Variants in PARD3B observed in about 807,000 individuals in gnomAD.
PARD3B encodes partitioning defective 3 homolog B.
A neutral mutation model predicts 130.2 loss-of-function variants in PARD3B; 103 were observed. The ratio of observed to expected loss-of-function variants is 0.79; its 90% confidence interval spans 0.67 to 0.93. The LOEUF (loss-of-function observed/expected upper bound fraction) is 0.93, where lower values mean the gene tolerates loss of function less well. Ranked by LOEUF, PARD3B falls within the 40% of genes least tolerant of loss-of-function variation. The pLI, the probability that PARD3B is intolerant of heterozygous loss-of-function variation, is 0.00. For missense variants in PARD3B, 1,609 were observed against 1,499.2 expected (o/e 1.07, Z -1.21); for synonymous variants, 583 against 553.2 (o/e 1.05, Z -0.76).
At chr2:205,444,331 G>T (rs1681243269) in intron 20 of PARD3B, among the ~76,000 whole-genome samples, 1 of 152,080 alleles carries the variant, frequency 6.6e-6, no homozygotes, top group Non-Finnish European at 1.5e-5. Flanking sequence ...GTATGCACCT[G>T]TAGTCCAACC....
At chr2:205,336,570 G>C (rs1344769738) in intron 18 of PARD3B, among the ~76,000 whole-genome samples, 1 of 152,140 alleles carries the variant, frequency 6.6e-6, no homozygotes, top group Non-Finnish European at 1.5e-5. Context: ...TCTTCTTTCT[G>C]GCTTCCACAG....
chr2:205,405,621 T>G lies in PARD3B; in HGVS notation c.2741+4498T>G, dbSNP rs1187989535. Among the ~76,000 whole-genome samples, 1 of 152,224 alleles carries G rather than the reference T, an allele frequency of 6.6e-6. No homozygotes were observed. Among genetic ancestry groups the G allele is most frequent in the Non-Finnish European group, 1.5e-5 (1 of 68,048 alleles). On this transcript the variant is annotated intron_variant, in intron 19 of 22. Transcript: ENST00000406610. This position sits in a 1 kb window ranked among gnomAD's most constrained non-coding sequence, Gnocchi z 4.1. ...GCAAGAATAATTTTTTTCGTTAAAA[T>G]TTATTTTTAACCTTGGCCTGCTGAG...
chr2:204,857,482 G>A (rs114066796), intron 2 of PARD3B, among the ~76,000 whole-genome samples: 1,896 of 152,166 alleles, frequency 0.012, 35 homozygotes, highest in African/African-American at 0.043. Flanking sequence ...TCATACAAAT[G>A]TACTTAATAT....
chr2:205,484,400 C>G (rs995515552), intron 20 of PARD3B, among the ~76,000 whole-genome samples: 3 of 152,096 alleles, frequency 2.0e-5, no homozygotes, highest in African/African-American at 7.2e-5. Context: ...CTTTTTTCTT[C>G]TCATTAGTGT....
chr2:205,564,597 C>T lies in PARD3B; in HGVS notation c.3260+11194C>T, dbSNP rs1248585024. ...ACATCCTTAGGGGACATGGCTGAGA[C>T]GCAAATGCCAGACAACTGCGGAAGC... On this transcript the variant is annotated intron_variant, in intron 22 of 22. Coordinates refer to ENST00000406610, the MANE Select transcript of PARD3B (RefSeq NM_001302769.2). This position sits in a 1 kb window ranked among gnomAD's most constrained non-coding sequence, Gnocchi z 4.6. Among the ~76,000 whole-genome samples the T allele has an allele frequency of 6.6e-6, 1 of 152,160 alleles. No individual in the cohort carries two copies. The highest frequency in any genetic ancestry group is 6.5e-5 in the Admixed American group (1 of 15,274).
chr2:204,578,116 A>G (rs913503381), intron 1 of PARD3B, among the ~76,000 whole-genome samples: 3 of 152,240 alleles, frequency 2.0e-5, no homozygotes, highest in African/African-American at 7.2e-5. Flanking sequence ...TCGGTAGTAC[A>G]GAGGCTGAGA....
intron 15 of PARD3B, among the ~76,000 whole-genome samples, chr2:205,225,130 G>T (rs2038473309): frequency 6.6e-6 from 1 of 152,142 alleles, no homozygotes; most frequent in Admixed American, 6.5e-5. Context: ...CATAGCAGTA[G>T]GATTGCTGGA....
chr2:205,047,324 C>G (rs1031605856), intron 3 of PARD3B, among the ~76,000 whole-genome samples: 1 of 152,160 alleles, frequency 6.6e-6, no homozygotes, highest in African/African-American at 2.4e-5. Context: ...CATTGCCTAA[C>G]AGTTTCTGTT....
At chr2:205,436,233 A>C (rs1219289334) in intron 19 of PARD3B, among the ~76,000 whole-genome samples, 1 of 152,156 alleles carries the variant, frequency 6.6e-6, no homozygotes, top group Non-Finnish European at 1.5e-5. Context: ...TACTACCACA[A>C]TGGAGACTGT....
At chr2:205,475,745 G>A (rs570287032) in intron 20 of PARD3B, among the ~76,000 whole-genome samples, 20 of 152,304 alleles carry the variant, frequency 1.3e-4, no homozygotes, top group East Asian at 7.7e-4. Context: ...AGTGTGAGGA[G>A]CGTTGACTCC....
chr2:205,150,255 A>ATGTGTGTGTGTGTG (rs1559487007), intron 10 of PARD3B, among the ~76,000 whole-genome samples: 3 of 142,226 alleles, frequency 2.1e-5, no homozygotes, highest in East Asian at 2.2e-4. Flanking sequence ...GTGTGTGTGC[A>ATGTGTGTGTGTGTG]CACACGCTTG....
chr2:205,165,556 A>G (rs1283187056), intron 11 of PARD3B, among the ~76,000 whole-genome samples: 1 of 151,962 alleles, frequency 6.6e-6, no homozygotes, highest in African/African-American at 2.4e-5. Context: ...CATCTCTGCT[A>G]AAAATACAAA....
chr2:205,440,589 T>G lies in PARD3B; in HGVS notation c.2961T>G (p.His987Gln). 2 of 1,614,010 alleles carry G rather than the reference T, an allele frequency of 1.2e-6. No homozygotes were observed. Among genetic ancestry groups the G allele is most frequent in the Non-Finnish European group, 1.7e-6 (2 of 1,179,902 alleles). The change falls in exon 20 of 23, where the codon CAT (histidine) becomes CAG (glutamine). Residue 987 changes from histidine (H) to glutamine (Q), a missense_variant. By Grantham distance (24) the His-to-Gln change is conservative. Coordinates refer to ENST00000406610, the MANE Select transcript of PARD3B (RefSeq NM_001302769.2). The surrounding 1 kb of genome is among the most constrained non-coding windows in gnomAD (Gnocchi z 4.2). ...AGPFGYPRDG[H>Q]PLSPERDHLE... The stretch of plus-strand genomic sequence containing the variant: ...CATTTGGTTACCCTCGGGATGGCCA[T>G]CCACTGTCTCCAGAAAGAGACCACT...
intron 2 of PARD3B, among the ~76,000 whole-genome samples, chr2:204,913,283 A>T (rs972153505): frequency 2.0e-5 from 3 of 152,146 alleles, no homozygotes; most frequent in African/African-American, 7.2e-5. Flanking sequence ...CTTGATGGTG[A>T]TTCTGGGCTC....
chr2:204,937,743 G>A lies in PARD3B; in HGVS notation c.223-27409G>A, dbSNP rs944188142. Among the ~76,000 whole-genome samples, 4 of 152,102 alleles carry A rather than the reference G, an allele frequency of 2.6e-5. No homozygotes were observed. In the South Asian group the frequency reaches 8.3e-4, roughly 31 times the overall value. ...TCTTGATGTTAGCAGCTGTAACAGT[G>A]TATGCCCTTCTTTTATCTTTGCTTC... is the stretch of plus-strand genomic sequence containing the variant. On this transcript the variant is annotated intron_variant, in intron 2 of 22. Coordinates refer to ENST00000406610, the MANE Select transcript of PARD3B (RefSeq NM_001302769.2).
intron 18 of PARD3B, among the ~76,000 whole-genome samples, chr2:205,391,266 C>T (rs78868634): frequency 0.046 from 7,003 of 152,308 alleles, 233 homozygotes; most frequent in Middle Eastern, 0.16. Flanking sequence ...TGTGGGCGCA[C>T]AAATGCGAAG....
chr2:204,983,967 A>G (rs906342279), intron 3 of PARD3B, among the ~76,000 whole-genome samples: 9 of 151,976 alleles, frequency 5.9e-5, no homozygotes, highest in African/African-American at 2.2e-4. Flanking sequence ...CCTCCTCTGT[A>G]TGGACCTTCC....
In PARD3B at chr2:205,458,826, TTTCTTCA is replaced by T. The variant is rs2048356223; in HGVS notation, c.3044+18155_3044+18161del. Among the ~76,000 whole-genome samples the T allele has an allele frequency of 1.3e-5, 2 of 152,190 alleles. No individual in the cohort carries two copies. The highest frequency in any genetic ancestry group is 2.9e-5 in the Non-Finnish European group (2 of 68,024). ...GTAGAAATCTCAGGCTGATGATACC[TTTCTTCA>T]GAGAAGATGTATTTAATAATATGTC... On this transcript the variant is annotated intron_variant, in intron 20 of 22. Coordinates refer to ENST00000406610, the MANE Select transcript of PARD3B (RefSeq NM_001302769.2). This position sits in a 1 kb window ranked among gnomAD's most constrained non-coding sequence, Gnocchi z 4.8.
At chr2:205,062,120 A>G (rs752207377) in intron 4 of PARD3B, among the ~76,000 whole-genome samples, 10 of 151,988 alleles carry the variant, frequency 6.6e-5, no homozygotes, top group Non-Finnish European at 1.5e-4. Context: ...CTTCTCATTC[A>G]TTAAGACAAG....
Sources: allele counts gnomAD v4.1 joint callset (sites outside exome capture counted in the v4.1 genomes callset), GRCh38; gene constraint gnomAD v4.1.1; non-coding constraint Gnocchi (gnomAD v3.1); transcripts MANE v1.5; gene names NCBI Gene and HGNC (gene_info 2026-07-23, HGNC 2026-07-21).